The following CD163L1 variants were observed in gnomAD, a reference collection of about 807,000 sequenced individuals.
CD163L1 encodes CD163 molecule like 1.
Under a neutral mutation model 165.4 loss-of-function variants are expected in CD163L1, and 124 were observed. The ratio of observed to expected loss-of-function variants is 0.75; its 90% CI spans 0.65 to 0.87. The LOEUF (loss-of-function observed/expected upper bound fraction) is 0.87, where lower values mean the gene tolerates loss of function less well. Ranked by LOEUF, CD163L1 falls within the 40% of genes least tolerant of loss-of-function variation. The pLI is 0.00. For missense variants in CD163L1, 1,525 were observed against 1,799.9 expected (o/e 0.85, Z 2.76); for synonymous variants, 585 against 662.2 (o/e 0.88, Z 1.79).
At chr12:7,364,412 C>A (rs1946968354) in intron 18 of CD163L1, among the ~76,000 whole-genome samples, 1 of 152,038 alleles carries the variant, frequency 6.6e-6, no homozygotes, top group African/African-American at 2.4e-5. Context: ...CACATTTATT[C>A]AACATAATAC....
the CD163L1 span, chr12:7,327,088 C>A: frequency 6.2e-7 from 1 of 1,601,878 alleles, no homozygotes; most frequent in Non-Finnish European, 8.5e-7. Flanking sequence ...TACAAATATC[C>A]AAGAAAGGCA....
chr12:7,340,007 C>T, the CD163L1 span, among the ~76,000 whole-genome samples: 5 of 152,216 alleles, frequency 3.3e-5, no homozygotes, highest in East Asian at 9.7e-4. Context: ...ATAATTCCTG[C>T]AGGTTGTGTA....
rs769418090 is a variant in CD163L1, at chr12:7,369,606, C to T, written c.3790G>A (p.Ala1264Thr). The T allele has an allele frequency of 1.1e-5, 17 of 1,614,012 alleles. No individual in the cohort carries two copies. The highest frequency in any genetic ancestry group is 6.6e-5 in the South Asian group (6 of 91,088). The stretch of plus-strand genomic sequence containing the variant: ...TCACACACTGTGCCCCAGGAGCCTG[C>T]GTGCCAGATCTCCACTCTCCCAGAG... The part of the protein sequence containing the change: ...ECSGRVEIWH[A>T]GSWGTVCDDS... The change falls in exon 15 of 20, where the codon GCA (alanine) becomes ACA (threonine). Residue 1264 changes from alanine (A) to threonine (T), a missense_variant. Transcript: ENST00000313599. This position sits in a 1 kb window ranked among gnomAD's most constrained non-coding sequence, Gnocchi z 4.9.
intron 8 of CD163L1, among the ~76,000 whole-genome samples, chr12:7,380,336 C>CGTATACATACATGTATGTGTGTATACGT (rs1947363428): frequency 6.9e-6 from 1 of 145,236 alleles, no homozygotes; most frequent in Non-Finnish European, 1.5e-5. Context: ...TATGTATACA[C>CGTATACATACATGTATGTGTGTATACGT]GTATACATAC....
rs747086367 is a variant in CD163L1 at position 7,375,763 on chromosome 12, G to A, written c.2623C>T (p.Pro875Ser). 6.2e-7 allele frequency: 1 copy of A among 1,614,172 alleles called. No individual in the cohort carries two copies. Among genetic ancestry groups the A allele is most frequent in the East Asian group, 2.2e-5 (1 of 44,882 alleles). The change falls in exon 10 of 20, where the codon CCC (proline) becomes TCC (serine). Residue 875 changes from proline (P) to serine (S), a missense_variant. Pro to Ser is a moderately conservative substitution (Grantham distance 74). Transcript: ENST00000313599. ...GTGTCTTCCGGATGTTGAACAATGG[G>A]GCATAATGCAAGGTGAGTTTCACTC... ...EGSETHLALC[P>S]IVQHPEDTCI...
intron 4 of CD163L1, among the ~76,000 whole-genome samples, chr12:7,408,682 C>T (rs1428412515): frequency 6.6e-6 from 1 of 152,104 alleles, no homozygotes; most frequent in African/African-American, 2.4e-5. Context: ...GAAATAGATT[C>T]CCAGAAATAA....
At chr12:7,437,976 T>C (rs1236272959) in intron 2 of CD163L1, among the ~76,000 whole-genome samples, 4 of 152,122 alleles carry the variant, frequency 2.6e-5, no homozygotes, top group Non-Finnish European at 5.9e-5. Flanking sequence ...CTTCTCCATG[T>C]TCCCCCTTCT....
Position 7,398,445 on chromosome 12 carries a change from T to C in CD163L1, c.1548A>G (p.Gln516=), listed in dbSNP as rs149955625. ...CATGCAAAGGCTTTCCACATCCCAA[T>C]TGTTTACAAACAACAGCTGCATTCC... ...STRNAAVVCK[Q]LGCGKPLHVF... is the part of the protein sequence containing the mutation. The change falls in exon 7 of 20, where the codon CAA becomes CAG. Residue 516 remains glutamine (Q), a synonymous_variant. Transcript: ENST00000313599. This position sits in a 1 kb window ranked among gnomAD's most constrained non-coding sequence, Gnocchi z 4.5. The C allele has an allele frequency of 3.4e-4, 542 of 1,614,126 alleles. 2 individuals carry two copies. The highest frequency in any genetic ancestry group is 4.1e-5 in the Non-Finnish European group (48 of 1,180,006).
rs1947108764 is a variant in CD163L1, at chr12:7,369,795, T to A, written c.3731-130A>T. 6 of 752,556 alleles carry A rather than the reference T, an allele frequency of 8.0e-6. No individual in the cohort carries two copies. Among genetic ancestry groups the A allele is most frequent in the Middle Eastern group, 3.6e-4 (1 of 2,760 alleles). 46.6% of individuals were successfully genotyped at this position (752,556 alleles called of 1,614,324 possible). A position where few individuals can be genotyped will look rare whatever the true frequency, so the allele number is the denominator to read the frequency against. On this transcript the variant is annotated intron_variant, in intron 14 of 19. Transcript: ENST00000313599. The surrounding 1 kb of genome is among the most constrained non-coding windows in gnomAD (Gnocchi z 4.9). ...TGTGGTAAGGAAGGCAGAATTTCAA[T>A]GTTACATAGATTAGACAAGAACCTG...
chr12:7,375,400 C>T lies in CD163L1; in HGVS notation c.2882G>A (p.Arg961His), dbSNP rs147836209. The change falls in exon 11 of 20, where the codon CGT becomes CAT. Residue 961 changes from arginine (R) to histidine (H), a missense_variant. Arg to His is a conservative substitution (Grantham distance 29). Transcript: ENST00000313599. ...GCAATGAAACCTGTGTCCCCACACA[C>T]GAACACTTCTTTCTCCAATATATTT... Reference protein sequence around the residue: ...GGKYIGERSVRVWGHRFHCLG... With the variant: ...GGKYIGERSVHVWGHRFHCLG... The T allele has an allele frequency of 1.8e-5, 29 of 1,614,044 alleles. No homozygotes were observed. In the African/African-American group the frequency reaches 2.1e-4, roughly 12 times the overall value.
At chr12:7,380,619 G>C (rs1438093719) in intron 8 of CD163L1, among the ~76,000 whole-genome samples, 1 of 152,026 alleles carries the variant, frequency 6.6e-6, no homozygotes, top group Non-Finnish European at 1.5e-5. Context: ...TGGACTTTGA[G>C]GACTCAGGGG....
chr12:7,387,819 C>G (rs764495387), intron 8 of CD163L1, among the ~76,000 whole-genome samples: 1 of 152,138 alleles, frequency 6.6e-6, no homozygotes, highest in Non-Finnish European at 1.5e-5. Context: ...TGAATAACCA[C>G]AGCAACCCCA....
chr12:7,429,800 A>G (rs1416642351), intron 4 of CD163L1, among the ~76,000 whole-genome samples: 2 of 152,154 alleles, frequency 1.3e-5, no homozygotes, highest in Non-Finnish European at 2.9e-5. Flanking sequence ...GCTATTCTTC[A>G]TTCAGTTAGT....
Position 7,403,576 on chromosome 12 carries a change from C to T in CD163L1, c.1367G>A (p.Arg456Gln), listed in dbSNP as rs746544481. ...WDCTYDGKAKRTCFRRSDAGV... is the reference protein window; with the variant it reads ...WDCTYDGKAKQTCFRRSDAGV... ...AGCATCTGATCTTCGGAAGCATGTT[C>T]GCTTTGCTTTTCCATCATATGTGCA... The change falls in exon 6 of 20, where the codon CGA becomes CAA. Residue 456 changes from arginine to glutamine, a missense_variant. Coordinates refer to ENST00000313599, the MANE Select transcript of CD163L1 (RefSeq NM_174941.6). 1.9e-6 allele frequency: 3 copies of T among 1,613,746 alleles called. No individual in the cohort carries two copies. The highest frequency in any genetic ancestry group is 1.3e-5 in the African/African-American group (1 of 74,912).
At chr12:7,332,335 T>C in the CD163L1 span, among the ~76,000 whole-genome samples, 1 of 152,038 alleles carries the variant, frequency 6.6e-6, no homozygotes, top group East Asian at 1.9e-4. Flanking sequence ...ACGGGGAGAA[T>C]GGAACCAAGT....
intron 8 of CD163L1, among the ~76,000 whole-genome samples, chr12:7,382,558 C>A (rs917490878): frequency 2.6e-5 from 4 of 152,180 alleles, no homozygotes; most frequent in Non-Finnish European, 5.9e-5. Flanking sequence ...AGATTCCTAG[C>A]AGTCCACATT....
intron 4 of CD163L1, among the ~76,000 whole-genome samples, chr12:7,407,779 CCATACA>C (rs1469520253): frequency 1.5e-5 from 2 of 130,638 alleles, no homozygotes; most frequent in Admixed American, 1.6e-4. Context: ...ACACACACAT[CCATACA>C]CACACACACA....
chr12:7,333,149 A>T, the CD163L1 span, among the ~76,000 whole-genome samples: 1 of 152,194 alleles, frequency 6.6e-6, no homozygotes, highest in South Asian at 2.1e-4. Flanking sequence ...CCTAATAGAC[A>T]TCTACAGAAC....
At chr12:7,333,723 C>G in the CD163L1 span, among the ~76,000 whole-genome samples, 1 of 152,056 alleles carries the variant, frequency 6.6e-6, no homozygotes, top group African/African-American at 2.4e-5. Flanking sequence ...AAAAGATCAA[C>G]AAAATTGATA....
Sources: gnomAD v4.1 joint callset for allele counts (sites outside exome capture counted in the v4.1 genomes callset) on GRCh38, gnomAD v4.1.1 for gene constraint, Gnocchi (gnomAD v3.1) non-coding constraint, MANE v1.5 for transcripts, NCBI Gene and HGNC (gene_info 2026-07-23, HGNC 2026-07-21) for gene names.